Variants in DLGAP1 observed in about 807,000 individuals in gnomAD.
DLGAP1 encodes the protein DLG associated protein 1, also known as disks large-associated protein 1.
DLGAP1 carries 11 observed loss-of-function variants against 90.8 expected under a neutral mutation model. The ratio of observed to expected loss-of-function variants is 0.12; its 90% CI spans 0.08 to 0.20. DLGAP1 has a LOEUF of 0.20. Among genes scored for constraint, DLGAP1 ranks in the 10% least tolerant of loss-of-function variants. DLGAP1 has a pLI of 1.00. For missense variants in DLGAP1, 1,050 were observed against 1,333.8 expected (o/e 0.79, Z 3.31); for synonymous variants, 558 against 540.7 (o/e 1.03, Z -0.44).
At chr18:4,111,588 A>T (rs765661158) in intron 2 of DLGAP1, among the ~76,000 whole-genome samples, 11 of 152,154 alleles carry the variant, frequency 7.2e-5, no homozygotes, top group Non-Finnish European at 1.2e-4. Flanking sequence ...AAAATTACTA[A>T]TTCAATTTTT....
intron 1 of DLGAP1, among the ~76,000 whole-genome samples, chr18:4,380,755 A>G (rs12327302): frequency 0.019 from 2,911 of 152,070 alleles, 60 homozygotes; most frequent in African/African-American, 0.049. Flanking sequence ...AATTAACGAA[A>G]CTCATCTCCT....
intron 3 of DLGAP1, among the ~76,000 whole-genome samples, chr18:3,886,673 A>G (rs1223690): frequency 0.074 from 11,230 of 152,216 alleles, 1,213 homozygotes; most frequent in African/African-American, 0.23. Flanking sequence ...TCCACCTGCC[A>G]GAAGCTTGTC....
intron 7 of DLGAP1, among the ~76,000 whole-genome samples, chr18:3,630,745 C>A (rs1172526063): frequency 1.3e-5 from 2 of 152,158 alleles, no homozygotes; most frequent in Admixed American, 6.5e-5. Flanking sequence ...CTTGTGCTAA[C>A]ACCATGTCTT....
intron 9 of DLGAP1, among the ~76,000 whole-genome samples, chr18:3,535,117 G>C (rs1253442616): frequency 6.7e-6 from 1 of 149,402 alleles, no homozygotes; most frequent in Non-Finnish European, 1.5e-5. Context: ...TGTGTGTTGG[G>C]GGTGGTGGTG....
intron 1 of DLGAP1, among the ~76,000 whole-genome samples, chr18:4,183,518 C>A (rs1197595794): frequency 6.6e-6 from 1 of 152,018 alleles, no homozygotes; most frequent in Non-Finnish European, 1.5e-5. Flanking sequence ...GACAAAATTA[C>A]CTTTTGCACT....
At chr18:4,327,259 T>A (rs752924560) in intron 1 of DLGAP1, among the ~76,000 whole-genome samples, 1 of 152,160 alleles carries the variant, frequency 6.6e-6, no homozygotes, top group East Asian at 1.9e-4. Flanking sequence ...GTAATGGATA[T>A]GTTAATTAGC....
intron 7 of DLGAP1, among the ~76,000 whole-genome samples, chr18:3,582,534 C>T (rs553441314): frequency 2.0e-5 from 3 of 152,188 alleles, no homozygotes; most frequent in South Asian, 2.1e-4. Flanking sequence ...AAACTAGATA[C>T]GATTAGCCCT....
intron 2 of DLGAP1, among the ~76,000 whole-genome samples, chr18:4,097,988 AC>A (rs1257384996): frequency 2.6e-5 from 4 of 152,148 alleles, no homozygotes; most frequent in Admixed American, 1.3e-4. Flanking sequence ...ATCTTGGCCT[AC>A]TGCAGCCTTG....
intron 2 of DLGAP1, among the ~76,000 whole-genome samples, chr18:4,132,458 C>G (rs185072983): frequency 6.6e-6 from 1 of 152,216 alleles, no homozygotes; most frequent in East Asian, 1.9e-4. Context: ...AGCTGTGTGA[C>G]CCTAGGGGAA....
intron 3 of DLGAP1, among the ~76,000 whole-genome samples, chr18:3,975,357 A>G (rs147037537): frequency 6.6e-6 from 1 of 152,320 alleles, no homozygotes; most frequent in Non-Finnish European, 1.5e-5. Flanking sequence ...AAGATGTTCA[A>G]CATCACTAAT....
chr18:4,065,252 C>T (rs954538518), intron 2 of DLGAP1, among the ~76,000 whole-genome samples: 3 of 152,098 alleles, frequency 2.0e-5, no homozygotes, highest in African/African-American at 7.2e-5. Context: ...AGAAGCATTT[C>T]CCTTGAAAAC....
chr18:3,531,140 A>G (rs1237427013), intron 10 of DLGAP1, among the ~76,000 whole-genome samples: 1 of 152,190 alleles, frequency 6.6e-6, no homozygotes, highest in East Asian at 1.9e-4. Context: ...TGTTAAATCT[A>G]ATTAAGAAAT....
At chr18:3,845,991 T>TA in intron 4 of DLGAP1, among the ~76,000 whole-genome samples, 1 of 152,096 alleles carries the variant, frequency 6.6e-6, no homozygotes, top group East Asian at 1.9e-4. Context: ...TTTCATTTTT[T>TA]AAAAAATTGA....
chr18:3,513,086 C>T (rs776619272), intron 10 of DLGAP1, among the ~76,000 whole-genome samples: 4 of 152,160 alleles, frequency 2.6e-5, no homozygotes, highest in Non-Finnish European at 5.9e-5. Flanking sequence ...TGAGTTTTGA[C>T]TATTTTAAGA....
At chr18:4,087,313 G>A (rs1289603734) in intron 2 of DLGAP1, among the ~76,000 whole-genome samples, 1 of 151,938 alleles carries the variant, frequency 6.6e-6, no homozygotes, top group Non-Finnish European at 1.5e-5. Context: ...TGCTTATGAT[G>A]GCCTTGATGC....
chr18:3,822,176 A>T (rs557297099), intron 4 of DLGAP1, among the ~76,000 whole-genome samples: 1 of 152,262 alleles, frequency 6.6e-6, no homozygotes, highest in South Asian at 2.1e-4. Context: ...TGGAAAACTT[A>T]ATTTGTTTTA....
intron 6 of DLGAP1, among the ~76,000 whole-genome samples, chr18:3,739,716 T>C (rs535010260): frequency 2.0e-5 from 3 of 152,242 alleles, no homozygotes; most frequent in Non-Finnish European, 4.4e-5. Flanking sequence ...GTGCGGCACA[T>C]GTATACATAT....
intron 1 of DLGAP1, among the ~76,000 whole-genome samples, chr18:4,335,666 C>T (rs2081053669): frequency 6.6e-6 from 1 of 152,212 alleles, no homozygotes; most frequent in African/African-American, 2.4e-5. Context: ...GGCTTCACAT[C>T]CAAGCTTATG....
At chr18:4,408,972 CACACACAA>C (rs1272149638) in intron 1 of DLGAP1, among the ~76,000 whole-genome samples, 21 of 3,364 alleles carry the variant, frequency 6.2e-3, no homozygotes, top group Non-Finnish European at 0.014. Flanking sequence ...CACACACACA[CACACACAA>C]ACACACACAC....
Sources: allele counts gnomAD v4.1 joint callset (sites outside exome capture counted in the v4.1 genomes callset), GRCh38; gene constraint gnomAD v4.1.1; transcripts MANE v1.5; gene names NCBI Gene and HGNC (gene_info 2026-07-23, HGNC 2026-07-21).